Variants in DLC1 observed in about 807,000 individuals in gnomAD.
The protein encoded by DLC1 is DLC1 Rho GTPase activating protein.
In DLC1, 54 loss-of-function variants were observed where a neutral mutation model predicts 140.3. The ratio of observed to expected loss-of-function variants is 0.38; its 90% CI spans 0.31 to 0.48. DLC1 has a LOEUF of 0.48. Ranked by LOEUF, DLC1 falls within the 20% of genes least tolerant of loss-of-function variation. The probability of loss-of-function intolerance (pLI) is 0.96; values close to 1 mark genes in which losing one functional copy is unlikely to be tolerated. For missense variants in DLC1, 2,536 were observed against 1,907.0 expected (o/e 1.33, Z -6.14); for synonymous variants, 986 against 728.1 (o/e 1.35, Z -5.70).
At chr8:13,169,979 T>C (rs1312903637) in intron 5 of DLC1, among the ~76,000 whole-genome samples, 1 of 151,926 alleles carries the variant, frequency 6.6e-6, no homozygotes, top group African/African-American at 2.4e-5. Flanking sequence ...GTGATCACCC[T>C]GTGGCACTCC....
intron 1 of DLC1, among the ~76,000 whole-genome samples, chr8:13,536,394 T>C (rs1208057014): frequency 6.6e-6 from 1 of 152,224 alleles, no homozygotes; most frequent in Non-Finnish European, 1.5e-5. Flanking sequence ...ATTGGTTTAA[T>C]GCAGCTCAGA....
chr8:13,100,671 A>G lies in DLC1; in HGVS notation c.1666T>C (p.Phe556Leu), dbSNP rs777483745. ...GGGACCAGGTCTTGTTTTGGAGAAA[A>G]GACATCAAACTCTTCAAGCCGGGAC... ...RWSRLEEFDV[F>L]SPKQDLVPGS... Residue 556 changes from phenylalanine (F) to leucine (L), a missense_variant, in exon 9 of 18, where the codon TTT becomes CTT. Phe to Leu is a conservative substitution (Grantham distance 22). Transcript: ENST00000276297. 15 of 1,613,934 alleles carry G rather than the reference A, an allele frequency of 9.3e-6. No homozygotes were observed. Among genetic ancestry groups the G allele is most frequent in the Non-Finnish European group, 1.3e-5 (15 of 1,179,992 alleles).
chr8:13,101,033 G>C (rs948126302), intron 8 of DLC1: 1 of 388,726 alleles, frequency 2.6e-6, no homozygotes, highest in East Asian at 4.0e-5. Context: ...GCGGTGACAG[G>C]GATAAGCTAC....
chr8:13,393,379 A>G, intron 4 of DLC1, among the ~76,000 whole-genome samples, 174 bp downstream of exon 4: 1 of 152,364 alleles, frequency 6.6e-6, no homozygotes, highest in South Asian at 2.1e-4. Context: ...GTTATCATTT[A>G]TAAAACAAAA....
intron 5 of DLC1, among the ~76,000 whole-genome samples, chr8:13,248,094 T>G (rs181247119): frequency 1.3e-5 from 2 of 152,362 alleles, no homozygotes; most frequent in East Asian, 3.9e-4. Context: ...CAGTCCTCAG[T>G]GTGCTTTTGC....
chr8:13,551,059 C>CAT (rs1384099905), intron 1 of DLC1, among the ~76,000 whole-genome samples: 1 of 23,866 alleles, frequency 4.2e-5, no homozygotes, highest in Non-Finnish European at 1.6e-4. Flanking sequence ...CACACACACA[C>CAT]ACACACACAC....
intron 5 of DLC1, among the ~76,000 whole-genome samples, chr8:13,156,876 C>T (rs978465782): frequency 6.6e-6 from 1 of 152,094 alleles, no homozygotes; most frequent in African/African-American, 2.4e-5. Context: ...GTATATTTTC[C>T]GAGAATACAT....
chr8:13,140,375 A>T (rs1359917430), intron 5 of DLC1, among the ~76,000 whole-genome samples: 1 of 151,902 alleles, frequency 6.6e-6, no homozygotes, highest in Non-Finnish European at 1.5e-5. Flanking sequence ...TAGGAGTACA[A>T]ATGGGCATCA....
chr8:13,374,205 A>G (rs1166119685), intron 4 of DLC1, among the ~76,000 whole-genome samples: 4 of 152,322 alleles, frequency 2.6e-5, no homozygotes, highest in East Asian at 1.9e-4. Context: ...GTAGTTTGCT[A>G]TGGATTCAGA....
At chr8:13,250,244 C>T (rs1173187533) in intron 5 of DLC1, among the ~76,000 whole-genome samples, 2 of 152,100 alleles carry the variant, frequency 1.3e-5, no homozygotes, top group African/African-American at 4.8e-5. Context: ...ACTTTTTAAC[C>T]AACATACTGC....
rs572295595 is a variant in DLC1 at position 13,301,901 on chromosome 8, A to C, written c.1348+3368T>G. ...TCTGAGGTGGAACAATTTCATCCTGAAACCCTCCCCTACCCAACTCCGTGG... is the reference window on the plus strand; with the variant it reads ...TCTGAGGTGGAACAATTTCATCCTGCAACCCTCCCCTACCCAACTCCGTGG... On this transcript the variant is annotated intron_variant, in intron 5 of 17. Coordinates refer to ENST00000276297, the MANE Select transcript of DLC1 (RefSeq NM_182643.3). 7.9e-5 allele frequency among the ~76,000 whole-genome samples: 12 copies of C among 152,266 alleles called. No individual in the cohort carries two copies. The East Asian group carries it at 2.3e-3, about 29-fold the overall frequency.
chr8:13,420,609 G>A (rs1838273256), intron 2 of DLC1, among the ~76,000 whole-genome samples: 2 of 151,894 alleles, frequency 1.3e-5, no homozygotes, highest in African/African-American at 4.8e-5. Flanking sequence ...CCCTCCTTGT[G>A]TTCCCCTCAT....
chr8:13,453,556 ATTT>A lies in DLC1; in HGVS notation c.1023+45490_1023+45492del, dbSNP rs370075708. Reference sequence around the variant, plus strand: ...TATATATACATATATATATATATATATTTTTTTTTTTTTTTTTTCAGATAGAAA... The same window carrying A: ...TATATATACATATATATATATATATATTTTTTTTTTTTTTTCAGATAGAAA... On this transcript the variant is annotated intron_variant, in intron 2 of 17. Coordinates refer to ENST00000276297, the MANE Select transcript of DLC1 (RefSeq NM_182643.3). Among the ~76,000 whole-genome samples, 13 of 26,908 alleles carry A rather than the reference ATTT, an allele frequency of 4.8e-4. 1 individual carries two copies. Among genetic ancestry groups the A allele is most frequent in the African/African-American group, 1.9e-3 (11 of 5,794 alleles). 17.7% of individuals were successfully genotyped at this position (26,908 alleles called of 152,430 possible). A position where few individuals can be genotyped will look rare whatever the true frequency, so the allele number is the denominator to read the frequency against.
chr8:13,506,567 A>ATGTGTGTGTGTC lies in DLC1; in HGVS notation c.-125-6372_-125-6371insGACACACACACA, dbSNP rs1554534324. Among the ~76,000 whole-genome samples the ATGTGTGTGTGTC allele has an allele frequency of 5.3e-4, 59 of 111,792 alleles. 1 individual carries two copies. Among genetic ancestry groups the ATGTGTGTGTGTC allele is most frequent in the South Asian group, 3.8e-3 (13 of 3,428 alleles). The allele number at this position is 111,792 out of a possible 152,430, so 73.3% of individuals were successfully genotyped here. ...TGGACACACACACACACACACACACATGTGTGTGTGTGTGTATATATATAT... is the reference window on the plus strand; with the variant it reads ...TGGACACACACACACACACACACACATGTGTGTGTGTCTGTGTGTGTGTGTGTATATATATAT... On this transcript the variant is annotated intron_variant, in intron 1 of 17. Coordinates refer to ENST00000276297, the MANE Select transcript of DLC1 (RefSeq NM_182643.3).
chr8:13,512,193 T>A (rs2117256618), intron 1 of DLC1, among the ~76,000 whole-genome samples: 1 of 152,184 alleles, frequency 6.6e-6, no homozygotes, highest in East Asian at 1.9e-4. Flanking sequence ...AGTGTCTCTT[T>A]TAAGTAGTAA....
At chr8:13,604,128 A>G (rs368253532) in intron 1 of DLC1, among the ~76,000 whole-genome samples, 1 of 152,176 alleles carries the variant, frequency 6.6e-6, no homozygotes, top group African/African-American at 2.4e-5. Context: ...TAGTAGAGGT[A>G]GAAACAAAAG....
intron 4 of DLC1, among the ~76,000 whole-genome samples, chr8:13,348,982 G>A (rs1329364790): frequency 6.6e-6 from 1 of 152,166 alleles, no homozygotes; most frequent in Non-Finnish European, 1.5e-5. Flanking sequence ...GGTGGTGACA[G>A]GCATAGGGAG....
intron 1 of DLC1, among the ~76,000 whole-genome samples, chr8:13,534,419 A>G (rs1019637115): frequency 1.3e-5 from 2 of 152,138 alleles, no homozygotes; most frequent in African/African-American, 4.8e-5. Flanking sequence ...AGAACATTGT[A>G]ATTTGGGTTT....
intron 2 of DLC1, among the ~76,000 whole-genome samples, chr8:13,457,676 C>CAAAAAAAAAAAAAA (rs34916262): frequency 6.0e-4 from 33 of 54,850 alleles, no homozygotes; most frequent in South Asian, 9.9e-4. Flanking sequence ...GACTCCATCT[C>CAAAAAAAAAAAAAA]AAAAAAAAAA....
Sources: gnomAD v4.1 joint callset for allele counts (sites outside exome capture counted in the v4.1 genomes callset) on GRCh38, gnomAD v4.1.1 for gene constraint, MANE v1.5 for transcripts, NCBI Gene and HGNC (gene_info 2026-07-23, HGNC 2026-07-21) for gene names.